TSNARE1: variants seen among roughly 807,000 people sequenced by gnomAD.
TSNARE1 encodes t-SNARE domain containing 1, also known as t-SNARE domain-containing protein 1.
In TSNARE1, 49 loss-of-function variants were observed where a neutral mutation model predicts 62.0. That is an observed-to-expected ratio of 0.79 (90% CI 0.63 to 1.00). The LOEUF is 1.00. Ranked by LOEUF, TSNARE1 falls within the 50% of genes least tolerant of loss-of-function variation. TSNARE1 has a pLI of 0.00. For synonymous variants in TSNARE1, 328 were observed against 294.4 expected, an observed-to-expected ratio of 1.11 and a Z score of -1.17; for missense variants, 755 against 700.1, an observed-to-expected ratio of 1.08 and a Z score of -0.88.
chr8:142,364,446 C>T (rs978726865), intron 1 of TSNARE1, among the ~76,000 whole-genome samples: 3 of 152,180 alleles, frequency 2.0e-5, no homozygotes. Flanking sequence ...GTGTACATGA[C>T]AGACATCTAC....
At chr8:142,340,707 C>CCAT (rs1203172092) in intron 4 of TSNARE1, among the ~76,000 whole-genome samples, 1 of 152,218 alleles carries the variant, frequency 6.6e-6, no homozygotes, top group Non-Finnish European at 1.5e-5. Flanking sequence ...CCCAAGGGTG[C>CCAT]CATCCCCTCT....
intron 13 of TSNARE1, among the ~76,000 whole-genome samples, chr8:142,217,346 AG>A (rs376008190): frequency 7.6e-6 from 1 of 131,532 alleles, no homozygotes; most frequent in Admixed American, 8.0e-5. Context: ...AAAGAAAGAA[AG>A]AAAGAAAGAA....
chr8:142,389,530 C>T lies in TSNARE1; in HGVS notation c.-40+13574G>A, dbSNP rs532268233. On this transcript the variant is annotated intron_variant, in intron 1 of 13. Coordinates refer to ENST00000524325, the MANE Select transcript of TSNARE1 (RefSeq NM_145003.5). ...GCAAAGCAGCATATGAACTAGACCA[C>T]CCATTTTGTAATAGGAAAAGATCGA... Among the ~76,000 whole-genome samples, 223 of 152,280 alleles carry T rather than the reference C, an allele frequency of 1.5e-3. No individual in the cohort carries two copies. In the Middle Eastern group the frequency reaches 0.017, roughly 12 times the overall value.
At chr8:142,234,857 G>A (rs76018879) in intron 12 of TSNARE1, among the ~76,000 whole-genome samples, 2,954 of 151,340 alleles carry the variant, frequency 0.02, 100 homozygotes, top group African/African-American at 0.067. Context: ...AAGTCCCCTC[G>A]TCCCCCCACA....
chr8:142,223,224 CCACT>C lies in TSNARE1; in HGVS notation c.*11+6245_*11+6248del, dbSNP rs533691120. On this transcript the variant is annotated intron_variant, in intron 13 of 13. Transcript: ENST00000524325. ...CACTCATACTCATTCACTCATTCAT[CCACT>C]CACTCATTCATCCACTCACTCACTC... is the stretch of plus-strand genomic sequence containing the variant. Among the ~76,000 whole-genome samples the C allele has an allele frequency of 1.0e-3, 147 of 146,320 alleles. 23 individuals carry two copies. Among genetic ancestry groups the C allele is most frequent in the Middle Eastern group, 8.5e-3 (2 of 236 alleles).
intron 9 of TSNARE1, among the ~76,000 whole-genome samples, chr8:142,305,703 G>A (rs1586693617): frequency 6.6e-6 from 1 of 152,204 alleles, no homozygotes; most frequent in Non-Finnish European, 1.5e-5. Flanking sequence ...TGGGTCTTGA[G>A]CTCCGAGGCT....
intron 1 of TSNARE1, among the ~76,000 whole-genome samples, chr8:142,360,415 G>A (rs1268272191): frequency 6.6e-6 from 1 of 152,194 alleles, no homozygotes; most frequent in Non-Finnish European, 1.5e-5. Context: ...GCGGAAGCTG[G>A]CAGCGGGGCC....
intron 7 of TSNARE1, among the ~76,000 whole-genome samples, chr8:142,315,453 G>T (rs1828384616): frequency 6.6e-6 from 1 of 152,232 alleles, no homozygotes; most frequent in Admixed American, 6.5e-5. Context: ...CATAGGTGGT[G>T]GGGCCACTGC....
intron 1 of TSNARE1, among the ~76,000 whole-genome samples, chr8:142,367,816 T>C (rs1341690839): frequency 6.6e-6 from 1 of 152,194 alleles, no homozygotes; most frequent in African/African-American, 2.4e-5. Flanking sequence ...ATTTAGTCTA[T>C]GATAAATGCG....
rs1295160157 is a variant in TSNARE1, at chr8:142,344,356, T to G, written c.355A>C (p.Thr119Pro). ...PHGRMAGPSTTRAKKRKPNFC... is the reference protein window; with the variant it reads ...PHGRMAGPSTPRAKKRKPNFC... ...TTGGGCTTCCTCTTCTTGGCCCGGG[T>G]AGTGCTGGGCCCCGCCATCCGGCCA... Residue 119 changes from threonine (T) to proline (P), a missense_variant, in exon 4 of 14, where the codon ACC becomes CCC. Physicochemically the swap from Thr to Pro is conservative, Grantham distance 38 (BLOSUM62 -1). Coordinates refer to ENST00000524325, the MANE Select transcript of TSNARE1 (RefSeq NM_145003.5). 1 of 1,575,368 alleles carries G rather than the reference T, an allele frequency of 6.3e-7. No homozygotes were observed. The highest frequency in any genetic ancestry group is 1.8e-5 in the Admixed American group (1 of 54,084).
chr8:142,248,746 T>C (rs2130258629), intron 12 of TSNARE1, among the ~76,000 whole-genome samples: 1 of 151,944 alleles, frequency 6.6e-6, no homozygotes, highest in South Asian at 2.1e-4. Flanking sequence ...TCAGACAGTG[T>C]CTGCCCTGAG....
chr8:142,389,501 A>G (rs1390995597), intron 1 of TSNARE1, among the ~76,000 whole-genome samples: 3 of 152,238 alleles, frequency 2.0e-5, no homozygotes, highest in Non-Finnish European at 4.4e-5. Flanking sequence ...ACACTTAAAC[A>G]TGTGCAAAGC....
intron 4 of TSNARE1, among the ~76,000 whole-genome samples, chr8:142,340,138 G>A (rs1406137932): frequency 6.6e-6 from 1 of 152,230 alleles, no homozygotes; most frequent in African/African-American, 2.4e-5. Flanking sequence ...TGAAGGCTGG[G>A]GCGCAGGGGT....
chr8:142,274,741 G>A, intron 12 of TSNARE1, 40 bp downstream of exon 12: 1 of 1,459,156 alleles, frequency 6.9e-7, no homozygotes, highest in South Asian at 1.4e-5. Context: ...GGGGACGGAG[G>A]CCGGGCCGGC....
intron 2 of TSNARE1, 113 bp downstream of exon 2, chr8:142,354,524 T>C (rs2130757983): frequency 1.4e-6 from 1 of 736,096 alleles, no homozygotes; most frequent in South Asian, 1.9e-5. Flanking sequence ...CACAGGCCAC[T>C]TTCCTCAAAA....
intron 9 of TSNARE1, among the ~76,000 whole-genome samples, chr8:142,303,465 C>T (rs933531521): frequency 6.6e-6 from 1 of 152,202 alleles, no homozygotes; most frequent in African/African-American, 2.4e-5. Context: ...GCGCCTTGGC[C>T]GCTGGAAGGA....
chr8:142,237,077 G>A (rs1269500011), intron 12 of TSNARE1, among the ~76,000 whole-genome samples: 6 of 48 alleles, frequency 0.12, no homozygotes, highest in Admixed American at 0.36. Context: ...CAGAACGGCG[G>A]GGTGGGCGGG....
intron 11 of TSNARE1, among the ~76,000 whole-genome samples, chr8:142,283,937 T>G (rs1278371725): frequency 2.4e-5 from 3 of 125,828 alleles, no homozygotes; most frequent in Non-Finnish European, 3.5e-5. Flanking sequence ...AGGGACCAGG[T>G]TCTGTCAATG....
At chr8:142,249,664 A>T (rs920186393) in intron 12 of TSNARE1, among the ~76,000 whole-genome samples, 4 of 152,228 alleles carry the variant, frequency 2.6e-5, no homozygotes, top group Admixed American at 1.3e-4. Flanking sequence ...TGCAGCAGGC[A>T]GGCCGTCCGC....
Sources: gnomAD v4.1 joint callset for allele counts (sites outside exome capture counted in the v4.1 genomes callset) on GRCh38, gnomAD v4.1.1 for gene constraint, MANE v1.5 for transcripts, NCBI Gene and HGNC (gene_info 2026-07-23, HGNC 2026-07-21) for gene names.